The following PIK3R3 variants were observed in gnomAD, a reference collection of about 807,000 sequenced individuals.
PIK3R3 encodes the protein phosphoinositide-3-kinase regulatory subunit 3, also known as phosphatidylinositol 3-kinase regulatory subunit gamma.
A neutral mutation model predicts 62.9 loss-of-function variants in PIK3R3; 64 were observed. The observed-to-expected ratio is 1.02, with a 90% confidence interval of 0.83 to 1.25. PIK3R3 has a LOEUF of 1.25. PIK3R3 is among the 50% of genes most tolerant of loss of function. PIK3R3 has a pLI of 0.00. For missense variants in PIK3R3, 614 were observed against 561.6 expected, an observed-to-expected ratio of 1.09 and a Z score of -0.94; for synonymous variants, 165 against 189.0, an observed-to-expected ratio of 0.87 and a Z score of 1.04.
At chr1:46,056,860 T>A (rs1163371430) in intron 6 of PIK3R3, 1 of 152,224 alleles carries the variant, frequency 6.6e-6, no homozygotes, top group Non-Finnish European at 1.5e-5. Flanking sequence ...AGAGGTAGCA[T>A]AACACAACAG....
chr1:46,150,239 T>C, the PIK3R3 span, among the ~76,000 whole-genome samples: 1 of 152,188 alleles, frequency 6.6e-6, no homozygotes, highest in Non-Finnish European at 1.5e-5. Flanking sequence ...TCTCTGACGC[T>C]CATTGCTGGA....
intron 1 of PIK3R3, among the ~76,000 whole-genome samples, chr1:46,116,087 C>G (rs757841669): frequency 4.6e-5 from 7 of 152,116 alleles, no homozygotes; most frequent in Non-Finnish European, 1.0e-4. Flanking sequence ...ATGTAAACCC[C>G]TTTGGCATTT....
At chr1:46,109,149 C>G (rs957699114) in intron 1 of PIK3R3, among the ~76,000 whole-genome samples, 1 of 138,934 alleles carries the variant, frequency 7.2e-6, no homozygotes, top group Non-Finnish European at 1.5e-5. Context: ...GGTGACAAAG[C>G]GAGACTCTGT....
At chr1:46,166,820 T>A in the PIK3R3 span, among the ~76,000 whole-genome samples, 1 of 152,202 alleles carries the variant, frequency 6.6e-6, no homozygotes, top group East Asian at 1.9e-4. Flanking sequence ...ACGTGGATTC[T>A]ACATCCTCCA....
chr1:46,077,256 A>C (rs1449030319), intron 3 of PIK3R3, among the ~76,000 whole-genome samples: 1 of 152,182 alleles, frequency 6.6e-6, no homozygotes, highest in African/African-American at 2.4e-5. Context: ...GGTCAACAGT[A>C]TGCTTCCTAC....
At chr1:46,113,748 T>C (rs576465653) in intron 1 of PIK3R3, among the ~76,000 whole-genome samples, 45 of 152,356 alleles carry the variant, frequency 3.0e-4, no homozygotes, top group African/African-American at 1.0e-3. Context: ...ATTCATTCAA[T>C]CAATATTTAC....
chr1:46,102,819 A>G (rs1486330002), intron 1 of PIK3R3, among the ~76,000 whole-genome samples: 1 of 150,424 alleles, frequency 6.6e-6, no homozygotes, highest in Non-Finnish European at 1.5e-5. Flanking sequence ...AAAAAAAAAA[A>G]AAAAAAAAAA....
the PIK3R3 span, among the ~76,000 whole-genome samples, chr1:46,163,738 A>G: frequency 0.062 from 9,457 of 152,190 alleles, 817 homozygotes; most frequent in African/African-American, 0.2. Context: ...TGATGTGGCA[A>G]CTGGTACTGT....
intron 1 of PIK3R3, among the ~76,000 whole-genome samples, chr1:46,114,796 G>A (rs897766378): frequency 8.9e-6 from 1 of 112,432 alleles, no homozygotes; most frequent in Non-Finnish European, 1.8e-5. Flanking sequence ...TTTTTTTTTG[G>A]TAGAGACAGA....
At chr1:46,055,713 CT>C (rs1647822347) in intron 7 of PIK3R3, 81 bp downstream of exon 7, 1 of 906,072 alleles carries the variant, frequency 1.1e-6, no homozygotes, top group African/African-American at 1.7e-5. Context: ...TCTCTAATCT[CT>C]TCTTCCACCT....
Position 46,066,917 on chromosome 1 carries a change from G to T in PIK3R3, c.489C>A (p.Tyr163Ter). 2 of 1,611,370 alleles carry T rather than the reference G, an allele frequency of 1.2e-6. No individual in the cohort carries two copies. Among genetic ancestry groups the T allele is most frequent in the Non-Finnish European group, 1.7e-6 (2 of 1,177,814 alleles). Residue 163 changes from tyrosine (Y) to a stop codon, truncating the protein, a stop_gained, in exon 4 of 10, where the codon TAC becomes TAA. Transcript: ENST00000262741. LOFTEE classifies it high-confidence loss of function. ...DVKLMYPVSR[Y>*]QQDQLVKEDN... ...AGGATTTCCATAATCATACCTGTTGGTATCTGGACACTGGGTACATCAGCT... is the reference window on the plus strand; with the variant it reads ...AGGATTTCCATAATCATACCTGTTGTTATCTGGACACTGGGTACATCAGCT...
chr1:46,122,865 T>C (rs917539347), intron 1 of PIK3R3, among the ~76,000 whole-genome samples: 1 of 152,088 alleles, frequency 6.6e-6, no homozygotes, highest in Admixed American at 6.6e-5. Flanking sequence ...AGTCACAAAA[T>C]GAAGCTAGTT....
At chr1:46,043,913 A>G in intron 9 of PIK3R3, 42 bp from the exon 10 acceptor site, 1 of 1,531,384 alleles carries the variant, frequency 6.5e-7, no homozygotes, top group Non-Finnish European at 8.9e-7. Context: ...GGTAGGTAAC[A>G]ATAGATAAAA....
intron 7 of PIK3R3, 139 bp from the exon 8 acceptor site, chr1:46,046,764 A>T: frequency 1.7e-6 from 1 of 602,804 alleles, no homozygotes; most frequent in Non-Finnish European, 2.9e-6. Flanking sequence ...AAGATTTCCC[A>T]AAATTAGTCT....
In PIK3R3 at chr1:46,044,702, C is replaced by G. The variant is rs1196274025; in HGVS notation, c.1188-831G>C. The stretch of plus-strand genomic sequence containing the variant: ...TCTTTTTGAGGTCCATCTCAGATAC[C>G]TTTTCCACAAAACCTCCCAATCCGC... On this transcript the variant is annotated intron_variant, in intron 9 of 9. Transcript: ENST00000262741. This position sits in a 1 kb window ranked among gnomAD's most constrained non-coding sequence, Gnocchi z 4.2. 6.6e-6 allele frequency among the ~76,000 whole-genome samples: 1 copy of G among 152,188 alleles called. No homozygotes were observed. The highest frequency in any genetic ancestry group is 2.4e-5 in the African/African-American group (1 of 41,428).
chr1:46,172,439 A>G, the PIK3R3 span, among the ~76,000 whole-genome samples: 6 of 152,140 alleles, frequency 3.9e-5, no homozygotes, highest in Non-Finnish European at 8.8e-5. Context: ...GTGCAGTGGC[A>G]TGATCTTGGC....
intron 1 of PIK3R3, among the ~76,000 whole-genome samples, chr1:46,123,623 G>T (rs536944800): frequency 4.9e-4 from 75 of 152,270 alleles, no homozygotes; most frequent in Non-Finnish European, 9.3e-4. Flanking sequence ...AGAAGAAATC[G>T]GAAACAGAGC....
At chr1:46,172,156 A>G in the PIK3R3 span, among the ~76,000 whole-genome samples, 1 of 152,090 alleles carries the variant, frequency 6.6e-6, no homozygotes, top group Non-Finnish European at 1.5e-5. Flanking sequence ...ACCTGTGCCA[A>G]CTGTCCCAGT....
At chr1:46,149,306 C>T in the PIK3R3 span, among the ~76,000 whole-genome samples, 2 of 149,956 alleles carry the variant, frequency 1.3e-5, no homozygotes, top group East Asian at 4.0e-4. Flanking sequence ...CCTGTAATCC[C>T]AAATACTTGG....
Sources: allele counts gnomAD v4.1 joint callset (sites outside exome capture counted in the v4.1 genomes callset), GRCh38; gene constraint gnomAD v4.1.1; non-coding constraint Gnocchi (gnomAD v3.1); transcripts MANE v1.5; gene names NCBI Gene and HGNC (gene_info 2026-07-23, HGNC 2026-07-21).